Variants in HDAC9 observed in about 807,000 individuals in gnomAD.
HDAC9 encodes histone deacetylase 9.
A neutral mutation model predicts 139.4 loss-of-function variants in HDAC9; 41 were observed. The ratio of observed to expected loss-of-function variants is 0.29; its 90% CI spans 0.23 to 0.38. HDAC9 has a LOEUF of 0.38. Among genes scored for constraint, HDAC9 ranks in the 10% least tolerant of loss-of-function variants. The pLI is 1.00. For synonymous variants in HDAC9, 517 were observed against 476.2 expected (o/e 1.09, Z -1.12); for missense variants, 1,147 against 1,297.0 (o/e 0.88, Z 1.78).
chr7:18,530,128 TA>T (rs1046199352), intron 2 of HDAC9, among the ~76,000 whole-genome samples: 1 of 150,754 alleles, frequency 6.6e-6, no homozygotes, highest in Non-Finnish European at 1.5e-5. Context: ...TAAATAGAAA[TA>T]AAAATAAAAA....
At chr7:18,169,472 A>G (rs1788253083) in intron 2 of HDAC9, among the ~76,000 whole-genome samples, 1 of 150,830 alleles carries the variant, frequency 6.6e-6, no homozygotes, top group Non-Finnish European at 1.5e-5. Flanking sequence ...TTTTTTTTTA[A>G]ATTATACTTT....
intron 1 of HDAC9, among the ~76,000 whole-genome samples, chr7:18,354,105 T>C (rs957254698): frequency 6.6e-6 from 1 of 152,106 alleles, no homozygotes; most frequent in African/African-American, 2.4e-5. Flanking sequence ...TTAAAAGAAA[T>C]TTTATCATCA....
At chr7:18,545,340 T>C (rs1056425059) in intron 2 of HDAC9, among the ~76,000 whole-genome samples, 5 of 152,072 alleles carry the variant, frequency 3.3e-5, no homozygotes, top group Non-Finnish European at 7.4e-5. Context: ...AAGAATCAAA[T>C]ACTTGGTGAA....
chr7:18,093,672 G>A (rs1266060107), intron 1 of HDAC9, among the ~76,000 whole-genome samples: 3 of 152,062 alleles, frequency 2.0e-5, no homozygotes, highest in Non-Finnish European at 4.4e-5. Flanking sequence ...AATTAAATCA[G>A]GTAACATTAT....
At chr7:18,490,249 A>G (rs1015951422) in intron 1 of HDAC9, among the ~76,000 whole-genome samples, 1 of 152,052 alleles carries the variant, frequency 6.6e-6, no homozygotes, top group Non-Finnish European at 1.5e-5. Context: ...GATTCCTTCC[A>G]GAGATTCTGA....
chr7:18,092,424 C>T (rs767306143), intron 1 of HDAC9, among the ~76,000 whole-genome samples: 1 of 149,330 alleles, frequency 6.7e-6, no homozygotes, highest in Non-Finnish European at 1.5e-5. Context: ...AAAAAAAGAA[C>T]CTCTGGTAAA....
chr7:18,131,787 G>T (rs1785029926), intron 1 of HDAC9, among the ~76,000 whole-genome samples: 2 of 152,128 alleles, frequency 1.3e-5, no homozygotes, highest in Non-Finnish European at 2.9e-5. Context: ...CCCTCATGGA[G>T]AGCAGATCTA....
intron 12 of HDAC9, among the ~76,000 whole-genome samples, chr7:18,688,981 A>G (rs1782476968): frequency 6.6e-6 from 1 of 152,032 alleles, no homozygotes; most frequent in African/African-American, 2.4e-5. Flanking sequence ...AGTTTTAATT[A>G]TAGTCTACTT....
At chr7:18,791,769 T>C (rs1325167820) in intron 16 of HDAC9, among the ~76,000 whole-genome samples, 1 of 152,206 alleles carries the variant, frequency 6.6e-6, no homozygotes, top group East Asian at 1.9e-4. Context: ...AATCAACACG[T>C]AGGCCTCTAC....
intron 1 of HDAC9, among the ~76,000 whole-genome samples, chr7:18,485,149 A>G (rs1311029156): frequency 2.6e-5 from 4 of 152,160 alleles, no homozygotes; most frequent in African/African-American, 9.6e-5. Context: ...AGATATTCCT[A>G]GGTTCGAATT....
intron 13 of HDAC9, among the ~76,000 whole-genome samples, chr7:18,728,597 C>G (rs749202405): frequency 6.6e-6 from 1 of 152,194 alleles, no homozygotes; most frequent in South Asian, 2.1e-4. Context: ...AGACTCATAA[C>G]TTGGATACTG....
chr7:18,436,665 A>G (rs1255367287), intron 1 of HDAC9, among the ~76,000 whole-genome samples: 1 of 152,252 alleles, frequency 6.6e-6, no homozygotes, highest in Admixed American at 6.5e-5. Flanking sequence ...TGTAAATTCA[A>G]TAGATGGTGT....
intron 1 of HDAC9, among the ~76,000 whole-genome samples, chr7:18,114,934 C>T (rs1361566089): frequency 6.6e-6 from 1 of 152,072 alleles, no homozygotes; most frequent in African/African-American, 2.4e-5. Context: ...TTTAAGGCAA[C>T]CATTTGTTCA....
intron 1 of HDAC9, among the ~76,000 whole-genome samples, chr7:18,464,289 A>G (rs550232822): frequency 1.3e-5 from 2 of 152,116 alleles, no homozygotes; most frequent in Non-Finnish European, 2.9e-5. Flanking sequence ...AAATTGTGGT[A>G]TTAATTCACT....
chr7:18,572,657 A>G (rs1824689551), intron 2 of HDAC9, among the ~76,000 whole-genome samples: 1 of 152,104 alleles, frequency 6.6e-6, no homozygotes, highest in Non-Finnish European at 1.5e-5. Flanking sequence ...TCTTCTCAAG[A>G]TTTCATTTTT....
At chr7:18,992,255 C>G (rs921053129) in intron 25 of HDAC9, among the ~76,000 whole-genome samples, 3 of 152,140 alleles carry the variant, frequency 2.0e-5, no homozygotes, top group African/African-American at 7.2e-5. Context: ...AGCCCAGTGT[C>G]CATTATTGGG....
intron 2 of HDAC9, among the ~76,000 whole-genome samples, chr7:18,284,942 C>T (rs774110089): frequency 6.6e-6 from 1 of 152,156 alleles, no homozygotes; most frequent in African/African-American, 2.4e-5. Context: ...GACCCAATGA[C>T]AGTTGTTTCC....
In HDAC9 at chr7:18,350,421, A is replaced by C. The variant is rs868585676; in HGVS notation, c.-42+59906A>C. On this transcript the variant is annotated intron_variant, in intron 1 of 3. Coordinates refer to the HDAC9 transcript ENST00000413509. ...ACTCATCTAATTTCTCTTTATCACC[A>C]GCTGGTCAATCACGTATCTTCATCA... Among the ~76,000 whole-genome samples, 30 of 152,304 alleles carry C rather than the reference A, an allele frequency of 2.0e-4. No homozygotes were observed. In the Middle Eastern group the frequency reaches 0.01, roughly 52 times the overall value.
chr7:18,831,171 C>G (rs1234859718), intron 19 of HDAC9, among the ~76,000 whole-genome samples: 2 of 152,168 alleles, frequency 1.3e-5, no homozygotes, highest in African/African-American at 4.8e-5. Context: ...AGAATCTTCT[C>G]TGCTACCATT....
Sources: gnomAD v4.1 joint callset for allele counts (sites outside exome capture counted in the v4.1 genomes callset) on GRCh38, gnomAD v4.1.1 for gene constraint, MANE v1.5 for transcripts, NCBI Gene and HGNC (gene_info 2026-07-23, HGNC 2026-07-21) for gene names.